The following HBS1L variants were observed in gnomAD, a reference collection of about 807,000 sequenced individuals.
HBS1L encodes HBS1 like translational GTPase, also known as HBS1-like protein.
HBS1L carries 55 observed loss-of-function variants against 88.9 expected under a neutral mutation model. The ratio of observed to expected loss-of-function variants is 0.62; its 90% CI spans 0.50 to 0.77. The LOEUF is 0.77. Ranked by LOEUF, HBS1L falls within the 30% of genes least tolerant of loss-of-function variation. HBS1L has a pLI of 0.00. For synonymous variants in HBS1L, 267 were observed against 288.5 expected, an observed-to-expected ratio of 0.93 and a Z score of 0.76; for missense variants, 741 against 829.3, an observed-to-expected ratio of 0.89 and a Z score of 1.31.
intron 13 of HBS1L, among the ~76,000 whole-genome samples, chr6:134,980,718 C>A (rs1774804952): frequency 6.6e-6 from 1 of 150,804 alleles, no homozygotes; most frequent in Admixed American, 6.6e-5. Context: ...AAAAGAGGCT[C>A]TTTTTTAATA....
chr6:135,043,770 T>C (rs1776826624), intron 2 of HBS1L, among the ~76,000 whole-genome samples: 1 of 152,094 alleles, frequency 6.6e-6, no homozygotes, highest in Admixed American at 6.5e-5. Flanking sequence ...AAGAGAAATA[T>C]TAATAAAGAG....
rs749081390 is a variant in HBS1L, at chr6:134,986,122, G to C, written c.1367C>G (p.Ser456Cys). ...CCATTTTGTGAGTTCACTTGACTGA[G>C]ATCTTGTGATTAGATTTTCACCACT... is the stretch of plus-strand genomic sequence containing the variant. Reference protein sequence around the residue: ...GLSGENLITRSQSSELTKWYK... With the variant: ...GLSGENLITRCQSSELTKWYK... The change falls in exon 11 of 18, where the codon TCT becomes TGT. Residue 456 changes from serine (S) to cysteine (C), a missense_variant. Around this residue, in one of 3 missense-constraint regions of HBS1L, gnomAD observed 556 missense variants for 598.4 expected, o/e 0.93. Transcript: ENST00000367837. 6.2e-7 allele frequency: 1 copy of C among 1,602,726 alleles called. No individual in the cohort carries two copies. The highest frequency in any genetic ancestry group is 1.7e-5 in the Admixed American group (1 of 59,696).
chr6:135,002,676 A>G (rs1775495427), intron 5 of HBS1L, 58 bp downstream of exon 5: 2 of 787,800 alleles, frequency 2.5e-6, no homozygotes, highest in Admixed American at 4.3e-5. Flanking sequence ...CAGAAGCAAC[A>G]GTGATTTCAA....
At chr6:135,022,031 G>A (rs971039827) in intron 4 of HBS1L, among the ~76,000 whole-genome samples, 4 of 152,094 alleles carry the variant, frequency 2.6e-5, no homozygotes, top group Non-Finnish European at 4.4e-5. Flanking sequence ...CAGAGACCTA[G>A]CCCCTTACGA....
chr6:135,030,410 A>T (rs1776351823), intron 4 of HBS1L, among the ~76,000 whole-genome samples: 1 of 152,112 alleles, frequency 6.6e-6, no homozygotes, highest in South Asian at 2.1e-4. Flanking sequence ...GAAGGGGGAG[A>T]GAAAAAAGGC....
At chr6:135,046,736 T>C (rs990918233) in intron 2 of HBS1L, among the ~76,000 whole-genome samples, 1 of 151,984 alleles carries the variant, frequency 6.6e-6, no homozygotes, top group African/African-American at 2.4e-5. Flanking sequence ...TGCTGATGAA[T>C]TTTAGAAAGA....
At chr6:134,982,352 T>C in intron 13 of HBS1L, 106 bp downstream of exon 13, 1 of 660,438 alleles carries the variant, frequency 1.5e-6, no homozygotes, top group East Asian at 2.7e-5. Flanking sequence ...TCAGTTACAA[T>C]TTCAGTAAGA....
intron 5 of HBS1L, among the ~76,000 whole-genome samples, chr6:135,001,707 T>G (rs145181818): frequency 6.6e-6 from 1 of 152,150 alleles, no homozygotes; most frequent in African/African-American, 2.4e-5. Flanking sequence ...ATTCAATTAA[T>G]GTACACTGAA....
Position 135,045,105 on chromosome 6 carries a change from G to T in HBS1L, c.110-2979C>A, listed in dbSNP as rs140390624. ...AAAACTCCCCCAGGAGAAGTATTGGGTCGCTGCAAAAGTAACCGCAGGTCT... is the reference window on the plus strand; with the variant it reads ...AAAACTCCCCCAGGAGAAGTATTGGTTCGCTGCAAAAGTAACCGCAGGTCT... On this transcript the variant is annotated intron_variant, in intron 2 of 17. Transcript: ENST00000367837. Among the ~76,000 whole-genome samples, 438 of 150,064 alleles carry T rather than the reference G, an allele frequency of 2.9e-3. 4 individuals are homozygous for T. Among genetic ancestry groups the T allele is most frequent in the African/African-American group, 9.7e-3 (398 of 40,930 alleles).
intron 2 of HBS1L, among the ~76,000 whole-genome samples, chr6:135,047,554 G>A (rs1400865979): frequency 2.6e-5 from 4 of 152,156 alleles, no homozygotes; most frequent in African/African-American, 9.7e-5. Flanking sequence ...CTTGGGTGGA[G>A]TCCCCAACAT....
chr6:135,027,185 C>A (rs1776252026), intron 4 of HBS1L: 2 of 52,038 alleles, frequency 3.8e-5, no homozygotes, highest in Admixed American at 3.0e-4. Flanking sequence ...GAGACTCTAT[C>A]TCAAAAAAAA....
rs548500212 is a variant in HBS1L, at chr6:135,003,948, CTT to C, written c.431-1108_431-1107del. ...AATTATGAGCTAGATCAAAGTAAGA[CTT>C]TTTTTTGCATTTGATCCCTACATAA... On this transcript the variant is annotated intron_variant, in intron 4 of 17. Coordinates refer to ENST00000367837, the MANE Select transcript of HBS1L (RefSeq NM_006620.4). 2.0e-5 allele frequency among the ~76,000 whole-genome samples: 3 copies of C among 151,908 alleles called. No individual in the cohort carries two copies. The East Asian group carries it at 5.8e-4, about 29-fold the overall frequency.
At chr6:135,050,149 G>A (rs1777035064) in intron 2 of HBS1L, among the ~76,000 whole-genome samples, 1 of 152,166 alleles carries the variant, frequency 6.6e-6, no homozygotes, top group Non-Finnish European at 1.5e-5. Context: ...TACATATATT[G>A]GTTTATTTAC....
Position 134,965,220 on chromosome 6 carries a change from C to T in HBS1L, c.*59G>A, listed in dbSNP as rs1774276643. 1.4e-6 allele frequency: 2 copies of T among 1,382,398 alleles called. No homozygotes were observed. The highest frequency in any genetic ancestry group is 1.0e-6 in the Non-Finnish European group (1 of 971,848). The allele number at this position is 1,382,398 out of a possible 1,614,324, so 85.6% of individuals were successfully genotyped here. ...GTTCCTTTGACTTAATAACTGCATTCTTGAAACAGAGGTTAGCTATTTCAC... is the reference window on the plus strand; with the variant it reads ...GTTCCTTTGACTTAATAACTGCATTTTTGAAACAGAGGTTAGCTATTTCAC... On this transcript the variant is annotated 3_prime_UTR_variant, in exon 18 of 18. Transcript: ENST00000367837.
At chr6:134,968,714 C>T (rs1774390045) in intron 16 of HBS1L, among the ~76,000 whole-genome samples, 1 of 150,236 alleles carries the variant, frequency 6.7e-6, no homozygotes, top group East Asian at 2.0e-4. Flanking sequence ...CAACAGGATG[C>T]TGATCACCTC....
Position 135,008,575 on chromosome 6 carries a change from T to C in HBS1L, c.431-5733A>G, listed in dbSNP as rs144913540. On this transcript the variant is annotated intron_variant, in intron 4 of 17. Transcript: ENST00000367837. ...TTCCTTCCTGCGGCTAAGATCTAAA[T>C]AGATTCTAGGTTTTCTCTTGAACAT... Among the ~76,000 whole-genome samples the C allele has an allele frequency of 6.7e-3, 1,018 of 152,296 alleles. 10 individuals are homozygous for C. Among genetic ancestry groups the C allele is most frequent in the African/African-American group, 0.02 (844 of 41,568 alleles).
At chr6:135,024,578 T>A (rs1776173737) in intron 4 of HBS1L, among the ~76,000 whole-genome samples, 1 of 148,514 alleles carries the variant, frequency 6.7e-6, no homozygotes, top group South Asian at 2.1e-4. Flanking sequence ...AGGTTTAAGG[T>A]GGCAAGGGAA....
rs766015343 is a variant in HBS1L at position 134,996,923 on chromosome 6, T to C, written c.819A>G (p.Lys273=). 24 of 1,590,334 alleles carry C rather than the reference T, an allele frequency of 1.5e-5. No homozygotes were observed. In the East Asian group the frequency reaches 5.2e-4, roughly 34 times the overall value. ...LVVIGHVDAG[K]STLMGHMLYL... is the part of the protein sequence containing the mutation. Reference sequence around the variant, plus strand: ...AAAGCATATGGCCCATCAGAGTACTTTTCCCAGCATCAACATGACCTAAAG... The same window carrying C: ...AAAGCATATGGCCCATCAGAGTACTCTTCCCAGCATCAACATGACCTAAAG... The change falls in exon 7 of 18, where the codon AAA becomes AAG. Residue 273 remains lysine (K), a synonymous_variant. Transcript: ENST00000367837.
chr6:134,979,060 G>A, intron 14 of HBS1L, 118 bp downstream of exon 14: 1 of 706,842 alleles, frequency 1.4e-6, no homozygotes, highest in Non-Finnish European at 2.5e-6. Flanking sequence ...ATTTACACAG[G>A]TGTCTATTTT....
Sources: gnomAD v4.1 joint callset for allele counts (sites outside exome capture counted in the v4.1 genomes callset) on GRCh38, gnomAD v4.1.1 for gene constraint, gnomAD v4.1.1 regional missense constraint, MANE v1.5 for transcripts, NCBI Gene and HGNC (gene_info 2026-07-23, HGNC 2026-07-21) for gene names.